REC114: variants seen among roughly 807,000 people sequenced by gnomAD.
REC114 encodes the protein meiotic recombination protein REC114.
REC114 carries 27 observed loss-of-function variants against 31.3 expected under a neutral mutation model. That is an observed-to-expected ratio of 0.86 (90% CI 0.64 to 1.19). REC114 has a LOEUF of 1.19. REC114 is among the 50% of genes most tolerant of loss of function. The probability of loss-of-function intolerance (pLI) is 0.00; values close to 1 mark genes in which losing one functional copy is unlikely to be tolerated. For synonymous variants in REC114, 134 were observed against 127.7 expected (o/e 1.05, Z -0.33); for missense variants, 344 against 326.9 (o/e 1.05, Z -0.40).
At chr15:73,500,352 C>CCA (rs1555487150) in intron 2 of REC114, among the ~76,000 whole-genome samples, 3 of 137,986 alleles carry the variant, frequency 2.2e-5, no homozygotes, top group African/African-American at 8.4e-5. Context: ...ACAGAAATAG[C>CCA]AAAAAAAAAA....
intron 1 of REC114, among the ~76,000 whole-genome samples, chr15:73,456,472 A>G (rs548062781): frequency 7.2e-5 from 11 of 152,300 alleles, no homozygotes; most frequent in Non-Finnish European, 1.6e-4. Context: ...TGGATTCAAC[A>G]TAAGATATAT....
chr15:73,467,648 A>G (rs1666284710), intron 1 of REC114, among the ~76,000 whole-genome samples: 2 of 152,238 alleles, frequency 1.3e-5, no homozygotes, highest in Admixed American at 6.5e-5. Context: ...TGCTTGGCAT[A>G]TAGTCTCTTT....
At chr15:73,516,882 C>T (rs1893865604) in intron 2 of REC114, among the ~76,000 whole-genome samples, 1 of 152,226 alleles carries the variant, frequency 6.6e-6, no homozygotes, top group African/African-American at 2.4e-5. Context: ...TGGCCTTGGC[C>T]TCCCAAAGTG....
At chr15:73,526,454 G>T (rs534963494) in intron 2 of REC114, among the ~76,000 whole-genome samples, 7 of 151,910 alleles carry the variant, frequency 4.6e-5, no homozygotes, top group Middle Eastern at 6.3e-3. Context: ...TTCACAATTG[G>T]TTTATTAGCT....
intron 2 of REC114, among the ~76,000 whole-genome samples, chr15:73,526,163 TAG>T (rs1439854617): frequency 6.6e-6 from 1 of 152,224 alleles, no homozygotes; most frequent in African/African-American, 2.4e-5. Context: ...TTCTTATTAT[TAG>T]AGTTTAAATG....
At chr15:73,469,059 T>C (rs1213723987) in intron 1 of REC114, among the ~76,000 whole-genome samples, 1 of 152,172 alleles carries the variant, frequency 6.6e-6, no homozygotes, top group Non-Finnish European at 1.5e-5. Context: ...TGTGTATACT[T>C]GAGAAGAATG....
At chr15:73,513,705 T>G (rs1893810788) in intron 2 of REC114, among the ~76,000 whole-genome samples, 1 of 152,016 alleles carries the variant, frequency 6.6e-6, no homozygotes. Context: ...TACCCTGCCT[T>G]GTGAGGTGTC....
chr15:73,544,706 T>C (rs534291344), intron 3 of REC114, among the ~76,000 whole-genome samples: 2 of 152,342 alleles, frequency 1.3e-5, no homozygotes, highest in East Asian at 1.9e-4. Context: ...GCTTTGAGTA[T>C]TGCCTTTTAG....
At chr15:73,456,830 T>C (rs917373568) in intron 1 of REC114, among the ~76,000 whole-genome samples, 3 of 152,160 alleles carry the variant, frequency 2.0e-5, no homozygotes, top group Admixed American at 1.3e-4. Context: ...CTGTTTGCCT[T>C]AAAACTGTTA....
chr15:73,477,243 ACT>A (rs1260098246), intron 2 of REC114, among the ~76,000 whole-genome samples: 2 of 151,740 alleles, frequency 1.3e-5, no homozygotes, highest in Non-Finnish European at 2.9e-5. Context: ...TCTGGTTACA[ACT>A]CTTTTATCAG....
intron 1 of REC114, among the ~76,000 whole-genome samples, chr15:73,455,947 A>G (rs1595859782): frequency 6.6e-6 from 1 of 152,226 alleles, no homozygotes. Flanking sequence ...TTTGAGAGGC[A>G]GGGGTTTAGA....
intron 2 of REC114, among the ~76,000 whole-genome samples, chr15:73,504,868 G>C (rs1322388853): frequency 6.6e-6 from 1 of 151,604 alleles, no homozygotes; most frequent in African/African-American, 2.4e-5. Context: ...ATGTTTTATT[G>C]GATTCTATTT....
chr15:73,531,659 C>T (rs1894083925), intron 2 of REC114, among the ~76,000 whole-genome samples: 1 of 152,118 alleles, frequency 6.6e-6, no homozygotes, highest in East Asian at 1.9e-4. Flanking sequence ...AACAGACATG[C>T]TGGGCACAAA....
chr15:73,547,145 C>A (rs1894320791), intron 3 of REC114, among the ~76,000 whole-genome samples: 1 of 151,862 alleles, frequency 6.6e-6, no homozygotes, highest in Admixed American at 6.6e-5. Context: ...TGCAAACTAC[C>A]CATATAACAA....
intron 2 of REC114, among the ~76,000 whole-genome samples, chr15:73,498,418 A>G (rs979196144): frequency 6.6e-6 from 1 of 151,882 alleles, no homozygotes; most frequent in Non-Finnish European, 1.5e-5. Flanking sequence ...TGGGGATGAG[A>G]GTTTTATTTC....
chr15:73,488,873 A>G (rs1369174649), intron 2 of REC114, among the ~76,000 whole-genome samples: 2 of 152,112 alleles, frequency 1.3e-5, no homozygotes, highest in East Asian at 3.8e-4. Context: ...CCCATTACCC[A>G]GTTTCAGAGC....
At chr15:73,491,300 CTTAATTTCTTTTTGTATATATAAGTA>C (rs1893442284) in intron 2 of REC114, among the ~76,000 whole-genome samples, 5 of 151,456 alleles carry the variant, frequency 3.3e-5, no homozygotes, top group Admixed American at 6.6e-5. Flanking sequence ...TGTGTATTTT[CTTAATTTCTTTTTGTATATATAAGTA>C]TTTGTGTATT....
chr15:73,556,985 C>T (rs1894477729), intron 5 of REC114, among the ~76,000 whole-genome samples: 1 of 151,842 alleles, frequency 6.6e-6, no homozygotes, highest in Non-Finnish European at 1.5e-5. Flanking sequence ...TCACTGCATT[C>T]CTCATTGCAG....
chr15:73,540,795 C>T (rs780127667), intron 3 of REC114, among the ~76,000 whole-genome samples: 4 of 152,118 alleles, frequency 2.6e-5, no homozygotes, highest in South Asian at 4.1e-4. Flanking sequence ...TCTCAGTATG[C>T]GTCTGATGGA....
Sources: allele counts gnomAD v4.1 joint callset (sites outside exome capture counted in the v4.1 genomes callset), GRCh38; gene constraint gnomAD v4.1.1; transcripts MANE v1.5; gene names NCBI Gene and HGNC (gene_info 2026-07-23, HGNC 2026-07-21).